SLC23A2: variants seen among roughly 807,000 people sequenced by gnomAD.
SLC23A2 encodes Na(+)/L-ascorbic acid transporter 2.
A neutral mutation model predicts 73.3 loss-of-function variants in SLC23A2; 36 were observed. The ratio of observed to expected loss-of-function variants is 0.49; its 90% confidence interval spans 0.38 to 0.65. SLC23A2 has a LOEUF of 0.65. Ranked by LOEUF, SLC23A2 falls within the 30% of genes least tolerant of loss-of-function variation. SLC23A2 has a pLI of 0.00. For synonymous variants in SLC23A2, 343 were observed against 327.3 expected, an observed-to-expected ratio of 1.05 and a Z score of -0.52; for missense variants, 507 against 841.6, an observed-to-expected ratio of 0.60 and a Z score of 4.92.
intron 9 of SLC23A2, among the ~76,000 whole-genome samples, chr20:4,882,167 A>G (rs1158420788): frequency 2.0e-5 from 3 of 150,914 alleles, no homozygotes; most frequent in Admixed American, 1.3e-4. Flanking sequence ...ACCTGAAGTC[A>G]GGAGTTTGAG....
chr20:4,975,353 C>T (rs2087627212), intron 1 of SLC23A2, among the ~76,000 whole-genome samples: 1 of 152,034 alleles, frequency 6.6e-6, no homozygotes, highest in South Asian at 2.1e-4. Flanking sequence ...TGACGTTAAC[C>T]TCACTTGCCA....
chr20:4,968,785 C>T (rs557956829), intron 2 of SLC23A2, among the ~76,000 whole-genome samples: 5 of 151,352 alleles, frequency 3.3e-5, no homozygotes, highest in Non-Finnish European at 7.4e-5. Context: ...ATGGCATGAT[C>T]TCGGCTCACT....
chr20:4,919,066 C>T (rs1341952113), intron 3 of SLC23A2, among the ~76,000 whole-genome samples: 1 of 152,178 alleles, frequency 6.6e-6, no homozygotes, highest in Non-Finnish European at 1.5e-5. Context: ...TTTCCACCTA[C>T]TTTCAATATT....
At chr20:4,991,720 TCACACACACACACACACACACA>T (rs11471369) in intron 1 of SLC23A2, among the ~76,000 whole-genome samples, 15 of 139,426 alleles carry the variant, frequency 1.1e-4, no homozygotes, top group African/African-American at 4.0e-4. Flanking sequence ...AGACTCCGTT[TCACACACACACACACACACACA>T]CACACACACA....
In SLC23A2 at chr20:4,857,354, C is replaced by T; in HGVS notation, c.1721-150G>A. Reference sequence around the variant, plus strand: ...CACACACATGGTCCCACAGATCAAACCTGCCTAGATAACAGCAAAGAATAC... The same window carrying T: ...CACACACATGGTCCCACAGATCAAATCTGCCTAGATAACAGCAAAGAATAC... On this transcript the variant is annotated intron_variant, in intron 16 of 16. Transcript: ENST00000338244. This position sits in a 1 kb window ranked among gnomAD's most constrained non-coding sequence, Gnocchi z 4.0. The T allele has an allele frequency of 1.7e-6, 1 of 598,924 alleles. No homozygotes were observed. Among genetic ancestry groups the T allele is most frequent in the Non-Finnish European group, 2.9e-6 (1 of 340,110 alleles). The allele number at this position is 598,924 out of a possible 1,614,324, so 37.1% of individuals were successfully genotyped here.
In SLC23A2 at chr20:4,863,875, C is replaced by T. The variant is rs1307392249; in HGVS notation, c.1357-968G>A. Among the ~76,000 whole-genome samples, 3 of 152,216 alleles carry T rather than the reference C, an allele frequency of 2.0e-5. No homozygotes were observed. Among genetic ancestry groups the T allele is most frequent in the African/African-American group, 7.2e-5 (3 of 41,462 alleles). On this transcript the variant is annotated intron_variant, in intron 13 of 16. Coordinates refer to ENST00000338244, the MANE Select transcript of SLC23A2 (RefSeq NM_005116.6). The surrounding 1 kb of genome is among the most constrained non-coding windows in gnomAD (Gnocchi z 4.8). ...GGACTATTCCCCCATTATAGGCTCT[C>T]ATAGCACCATGTAGGGCATATCTGC...
intron 9 of SLC23A2, among the ~76,000 whole-genome samples, chr20:4,878,346 C>T (rs1930739092): frequency 6.6e-6 from 1 of 151,814 alleles, no homozygotes; most frequent in South Asian, 2.1e-4. Context: ...GCCACTACAC[C>T]CAGCTAATTT....
chr20:4,933,047 T>A (rs538451176), intron 2 of SLC23A2, among the ~76,000 whole-genome samples: 2 of 152,338 alleles, frequency 1.3e-5, no homozygotes, highest in Non-Finnish European at 2.9e-5. Context: ...TAGAACTTTC[T>A]GCAATGAGGG....
At chr20:4,932,162 G>A (rs529427592) in intron 3 of SLC23A2, among the ~76,000 whole-genome samples, 1 of 152,282 alleles carries the variant, frequency 6.6e-6, no homozygotes, top group Non-Finnish European at 1.5e-5. Flanking sequence ...ACCTTTTGAA[G>A]ATAAAATTAA....
At chr20:4,926,703 C>T (rs1469362815) in intron 3 of SLC23A2, among the ~76,000 whole-genome samples, 1 of 152,000 alleles carries the variant, frequency 6.6e-6, no homozygotes, top group East Asian at 1.9e-4. Flanking sequence ...TTCCATGAGT[C>T]CTGGGGCCTG....
Position 4,853,117 on chromosome 20 carries a change from G to A in SLC23A2, c.*3855C>T, listed in dbSNP as rs995472934. 1 of 152,322 alleles carries A rather than the reference G, an allele frequency of 6.6e-6. No individual in the cohort carries two copies. The highest frequency in any genetic ancestry group is 1.5e-5 in the Non-Finnish European group (1 of 68,096). 9.4% of individuals were successfully genotyped at this position (152,322 alleles called of 1,614,324 possible). On this transcript the variant is annotated 3_prime_UTR_variant, in exon 17 of 17. Transcript: ENST00000338244. Reference sequence around the variant, plus strand: ...CTGGGCTCTTTTCCAAAGCCAAGAGGAGGCTCCCTGGAGAAGCGAGCTTTG... The same window carrying A: ...CTGGGCTCTTTTCCAAAGCCAAGAGAAGGCTCCCTGGAGAAGCGAGCTTTG...
At chr20:4,939,380 G>A (rs897231370) in intron 2 of SLC23A2, among the ~76,000 whole-genome samples, 1 of 152,148 alleles carries the variant, frequency 6.6e-6, no homozygotes. Context: ...GGGTGTCAAC[G>A]TCACCACCAT....
intron 6 of SLC23A2, among the ~76,000 whole-genome samples, chr20:4,898,987 T>C (rs1388349723): frequency 6.6e-6 from 1 of 152,052 alleles, no homozygotes; most frequent in Admixed American, 6.6e-5. Flanking sequence ...AGCGGGCCCT[T>C]GGGAGTGAGG....
At chr20:4,916,105 C>T (rs1932313081) in intron 3 of SLC23A2, among the ~76,000 whole-genome samples, 3 of 152,136 alleles carry the variant, frequency 2.0e-5, no homozygotes, top group Admixed American at 2.0e-4. Context: ...TTTACACAAG[C>T]CAACTGAGTT....
Position 4,998,057 on chromosome 20 carries a change from T to G in SLC23A2, c.-282+3349A>C, listed in dbSNP as rs1156388205. On this transcript the variant is annotated intron_variant, in intron 1 of 16. Coordinates refer to ENST00000338244, the MANE Select transcript of SLC23A2 (RefSeq NM_005116.6). This position sits in a 1 kb window ranked among gnomAD's most constrained non-coding sequence, Gnocchi z 4.1. The stretch of plus-strand genomic sequence containing the variant: ...ACCTTGGACTTCCCAGACTCCAGAA[T>G]TATACGAAACAAATTTCCGTTGTTT... 6.6e-6 allele frequency among the ~76,000 whole-genome samples: 1 copy of G among 152,212 alleles called. No individual in the cohort carries two copies. The highest frequency in any genetic ancestry group is 2.4e-5 in the African/African-American group (1 of 41,464).
Position 4,866,496 on chromosome 20 carries a change from T to C in SLC23A2, c.1356+1274A>G, listed in dbSNP as rs139704739. Among the ~76,000 whole-genome samples, 17 of 152,314 alleles carry C rather than the reference T, an allele frequency of 1.1e-4. No homozygotes were observed. In the East Asian group the frequency reaches 3.3e-3, roughly 29 times the overall value. ...TGTGCTCAGCACTGGCTTCTCACCA[T>C]GGGTAGCAAAAGGACCTCCAGGATG... On this transcript the variant is annotated intron_variant, in intron 13 of 16. Transcript: ENST00000338244.
intron 9 of SLC23A2, among the ~76,000 whole-genome samples, chr20:4,875,876 T>C (rs1930635547): frequency 6.6e-6 from 1 of 152,180 alleles, no homozygotes; most frequent in African/African-American, 2.4e-5. Context: ...ACAGTTCCAA[T>C]TGTTGAGATG....
chr20:4,874,760 C>G, intron 9 of SLC23A2, 64 bp from the exon 10 acceptor site: 1 of 1,385,928 alleles, frequency 7.2e-7, no homozygotes, highest in Non-Finnish European at 9.7e-7. Flanking sequence ...AAATAACACT[C>G]GAAGCTTCTA....
At chr20:4,995,842 C>A (rs2088010913) in intron 1 of SLC23A2, among the ~76,000 whole-genome samples, 1 of 152,166 alleles carries the variant, frequency 6.6e-6, no homozygotes, top group Non-Finnish European at 1.5e-5. Flanking sequence ...AGAGACTGAT[C>A]AACGTGAAAG....
Sources: gnomAD v4.1 joint callset for allele counts (sites outside exome capture counted in the v4.1 genomes callset) on GRCh38, gnomAD v4.1.1 for gene constraint, Gnocchi (gnomAD v3.1) non-coding constraint, MANE v1.5 for transcripts, NCBI Gene and HGNC (gene_info 2026-07-23, HGNC 2026-07-21) for gene names.